Variants in NCKAP5 observed in about 807,000 individuals in gnomAD.
The protein encoded by NCKAP5 is nck-associated protein 5.
In NCKAP5, 92 loss-of-function variants were observed where a neutral mutation model predicts 167.0. That is an observed-to-expected ratio of 0.55 (90% CI 0.47 to 0.66). The LOEUF (loss-of-function observed/expected upper bound fraction) is 0.66, where lower values mean the gene tolerates loss of function less well. Ranked by LOEUF, NCKAP5 falls within the 30% of genes least tolerant of loss-of-function variation. NCKAP5 has a pLI of 0.00. For missense variants in NCKAP5, 2,378 were observed against 2,315.0 expected, an observed-to-expected ratio of 1.03 and a Z score of -0.56; for synonymous variants, 891 against 877.4, an observed-to-expected ratio of 1.02 and a Z score of -0.27.
intron 11 of NCKAP5, among the ~76,000 whole-genome samples, chr2:132,819,955 T>C (rs10199481): frequency 0.39 from 58,805 of 151,926 alleles, 12,101 homozygotes; most frequent in African/African-American, 0.54. Context: ...AAATTCTCAG[T>C]GTAGGGAGGT....
intron 16 of NCKAP5, among the ~76,000 whole-genome samples, chr2:132,753,580 C>T (rs1680291027): frequency 6.6e-6 from 1 of 152,094 alleles, no homozygotes; most frequent in South Asian, 2.1e-4. Flanking sequence ...CCTTTAATGC[C>T]CCCTCTCCCC....
chr2:133,307,926 CA>C (rs1370820429), intron 3 of NCKAP5, among the ~76,000 whole-genome samples: 1 of 150,902 alleles, frequency 6.6e-6, no homozygotes, highest in Non-Finnish European at 1.5e-5. Context: ...AAAGTAATTA[CA>C]AAACAAACAT....
intron 6 of NCKAP5, among the ~76,000 whole-genome samples, chr2:133,004,149 A>C (rs1036075351): frequency 2.6e-5 from 4 of 152,218 alleles, no homozygotes; most frequent in Non-Finnish European, 4.4e-5. Context: ...AGAATATCTC[A>C]CATGTGCAAG....
chr2:133,057,044 A>T lies in NCKAP5; in HGVS notation c.342-62805T>A, dbSNP rs75742939. 5.3e-4 allele frequency among the ~76,000 whole-genome samples: 80 copies of T among 152,300 alleles called. No individual in the cohort carries two copies. The East Asian group carries it at 0.013, about 25-fold the overall frequency. The stretch of plus-strand genomic sequence containing the variant: ...CTTTTTCATTTTTAGTACATCTGCT[A>T]TGGTTAACTGTGATCAGTGATCTTT... On this transcript the variant is annotated intron_variant, in intron 6 of 19. Transcript: ENST00000409261.
At chr2:133,367,083 TA>T (rs1029995997) in intron 3 of NCKAP5, among the ~76,000 whole-genome samples, 1 of 152,170 alleles carries the variant, frequency 6.6e-6, no homozygotes, top group African/African-American at 2.4e-5. Context: ...TTTTAAATGC[TA>T]AATGTGAGCT....
At chr2:133,063,216 C>A (rs748075839) in intron 6 of NCKAP5, among the ~76,000 whole-genome samples, 63 of 152,178 alleles carry the variant, frequency 4.1e-4, no homozygotes, top group Non-Finnish European at 4.7e-4. Context: ...CAGAATGGAT[C>A]AAGAGTGACT....
intron 3 of NCKAP5, among the ~76,000 whole-genome samples, chr2:133,367,464 TG>T (rs1477560172): frequency 1.4e-4 from 22 of 152,222 alleles, no homozygotes; most frequent in African/African-American, 5.3e-4. Context: ...AAACCACTAC[TG>T]TACCACCCAA....
At chr2:132,950,852 CA>C (rs766902861) in intron 8 of NCKAP5, among the ~76,000 whole-genome samples, 1 of 151,878 alleles carries the variant, frequency 6.6e-6, no homozygotes, top group Non-Finnish European at 1.5e-5. Context: ...TTACCAAAAC[CA>C]ATTTGACTTG....
chr2:133,614,964 C>T, the NCKAP5 span, among the ~76,000 whole-genome samples: 4 of 152,124 alleles, frequency 2.6e-5, no homozygotes, highest in African/African-American at 4.8e-5. Context: ...GCAGAAACTC[C>T]ACAAGCCAGA....
chr2:133,465,441 C>A (rs1386811110), intron 3 of NCKAP5, among the ~76,000 whole-genome samples: 1 of 151,638 alleles, frequency 6.6e-6, no homozygotes, highest in African/African-American at 2.4e-5. Flanking sequence ...CAAGTCTTTG[C>A]TATCGTGAAT....
chr2:133,343,410 C>T (rs1280380370), intron 3 of NCKAP5, among the ~76,000 whole-genome samples: 1 of 151,296 alleles, frequency 6.6e-6, no homozygotes, highest in East Asian at 1.9e-4. Flanking sequence ...ACACATGTAT[C>T]TGCACATGTT....
intron 3 of NCKAP5, among the ~76,000 whole-genome samples, chr2:133,367,290 G>T (rs1334537953): frequency 1.3e-5 from 2 of 152,164 alleles, no homozygotes; most frequent in Non-Finnish European, 2.9e-5. Flanking sequence ...AAGCCACAGC[G>T]GAGGTGACCT....
intron 2 of NCKAP5, among the ~76,000 whole-genome samples, chr2:133,537,847 A>C (rs905398670): frequency 6.6e-6 from 1 of 152,166 alleles, no homozygotes; most frequent in Admixed American, 6.6e-5. Flanking sequence ...AAATTATAAG[A>C]CTTCCATCAT....
At chr2:133,121,219 G>A (rs779445101) in intron 6 of NCKAP5, among the ~76,000 whole-genome samples, 3 of 152,060 alleles carry the variant, frequency 2.0e-5, no homozygotes, top group African/African-American at 4.8e-5. Context: ...GGTCTTTAAC[G>A]CATAAAATAT....
intron 3 of NCKAP5, among the ~76,000 whole-genome samples, chr2:133,494,966 T>C (rs147697683): frequency 2.8e-4 from 42 of 152,280 alleles, no homozygotes; most frequent in African/African-American, 1.0e-3. Context: ...TGAAGCCTGC[T>C]ACCTGGAAGC....
intron 8 of NCKAP5, among the ~76,000 whole-genome samples, chr2:132,924,818 G>A (rs1695723436): frequency 1.3e-5 from 2 of 152,000 alleles, no homozygotes; most frequent in African/African-American, 4.8e-5. Flanking sequence ...ACCTAGGGAG[G>A]TCTAACTGGA....
chr2:132,710,145 G>A (rs2709542), intron 19 of NCKAP5, among the ~76,000 whole-genome samples: 93,868 of 151,930 alleles, frequency 0.62, 29,288 homozygotes, highest in East Asian at 0.85. Flanking sequence ...AGATGCATAT[G>A]TAACTTCTGA....
intron 11 of NCKAP5, among the ~76,000 whole-genome samples, chr2:132,805,894 C>A (rs900309213): frequency 6.6e-6 from 1 of 152,058 alleles, no homozygotes; most frequent in Non-Finnish European, 1.5e-5. Context: ...GTATACACTG[C>A]ACCATATTTG....
At chr2:133,589,042 A>T in the NCKAP5 span, among the ~76,000 whole-genome samples, 1 of 152,174 alleles carries the variant, frequency 6.6e-6, no homozygotes, top group East Asian at 1.9e-4. Flanking sequence ...TCCAAGTAAG[A>T]TGTGGACCCC....
Sources: gnomAD v4.1 joint callset for allele counts (sites outside exome capture counted in the v4.1 genomes callset) on GRCh38, gnomAD v4.1.1 for gene constraint, MANE v1.5 for transcripts, NCBI Gene and HGNC (gene_info 2026-07-23, HGNC 2026-07-21) for gene names.